The following ENDOV variants were observed in gnomAD, a reference collection of about 807,000 sequenced individuals.
The protein encoded by ENDOV is endonuclease V.
A neutral mutation model predicts 39.4 loss-of-function variants in ENDOV; 37 were observed. That is an observed-to-expected ratio of 0.94 (90% confidence interval 0.72 to 1.23). The LOEUF is 1.23. Among genes scored for constraint, ENDOV ranks in the 50% most tolerant of loss-of-function variants. The probability of loss-of-function intolerance (pLI) is 0.00; values close to 1 mark genes in which losing one functional copy is unlikely to be tolerated. For synonymous variants in ENDOV, 186 were observed against 163.4 expected (o/e 1.14, Z -1.05); for missense variants, 441 against 375.7 (o/e 1.17, Z -1.44).
intron 8 of ENDOV, among the ~76,000 whole-genome samples, chr17:80,429,242 G>C (rs1316764754): frequency 6.6e-6 from 1 of 152,232 alleles, no homozygotes; most frequent in South Asian, 2.1e-4. Flanking sequence ...GACAAGTACT[G>C]TGACCCCACT....
At chr17:80,425,770 G>C in intron 7 of ENDOV, 150 bp downstream of exon 7, 1 of 1,277,970 alleles carries the variant, frequency 7.8e-7, no homozygotes, top group South Asian at 1.4e-5. Context: ...CAGACATCTT[G>C]CTGGAGAGCT....
intron 5 of ENDOV, 95 bp downstream of exon 5, chr17:80,423,727 T>G: frequency 8.8e-7 from 1 of 1,133,788 alleles, no homozygotes; most frequent in South Asian, 1.5e-5. Context: ...AGCCCTTGCC[T>G]GCTGACGCTG....
intron 7 of ENDOV, among the ~76,000 whole-genome samples, chr17:80,426,867 A>G (rs983109784): frequency 1.7e-4 from 26 of 152,332 alleles, no homozygotes; most frequent in Admixed American, 1.6e-3. Flanking sequence ...CTGTGGACGC[A>G]GGTCTGCACA....
intron 2 of ENDOV, 122 bp downstream of exon 2, chr17:80,415,943 AGTCTGG>A: frequency 7.7e-7 from 1 of 1,296,470 alleles, no homozygotes; most frequent in South Asian, 1.4e-5. Flanking sequence ...TGTCATTAAT[AGTCTGG>A]GGAGTTGGCC....
At chr17:80,432,295 C>T (rs144245086) in intron 9 of ENDOV, among the ~76,000 whole-genome samples, 3 of 152,218 alleles carry the variant, frequency 2.0e-5, no homozygotes, top group African/African-American at 7.2e-5. Context: ...CAGCACCTGG[C>T]TGGGCCCAGG....
intron 4 of ENDOV, among the ~76,000 whole-genome samples, chr17:80,422,629 A>G (rs546550927): frequency 1.3e-5 from 2 of 152,222 alleles, no homozygotes; most frequent in Non-Finnish European, 2.9e-5. Flanking sequence ...CCCCTTGTCC[A>G]CAACTAGACA....
At chr17:80,430,461 T>G in intron 9 of ENDOV, 1 of 1,162,486 alleles carries the variant, frequency 8.6e-7, no homozygotes. Flanking sequence ...AAGCAGGTCC[T>G]CAGCCCCAGC....
intron 5 of ENDOV, chr17:80,423,887 C>T (rs1489993695): frequency 1.7e-5 from 9 of 514,750 alleles, no homozygotes; most frequent in Admixed American, 1.1e-4. Context: ...TCTGAGCCAC[C>T]GTGGCACACC....
intron 2 of ENDOV, chr17:80,420,225 T>G (rs896650293): frequency 1.3e-5 from 2 of 153,330 alleles, no homozygotes; most frequent in African/African-American, 4.8e-5. Flanking sequence ...CACATCATAG[T>G]CATCCCATAA....
intron 8 of ENDOV, 130 bp downstream of exon 8, chr17:80,428,790 G>A (rs1237414999): frequency 5.3e-5 from 46 of 875,662 alleles, no homozygotes; most frequent in Non-Finnish European, 7.4e-5. Flanking sequence ...GCCAGGGAAG[G>A]CAGGGGACAC....
At chr17:80,433,230 A>G (rs8077237) in intron 9 of ENDOV, 8,715 of 519,906 alleles carry the variant, frequency 0.017, 616 homozygotes, top group African/African-American at 0.15. Flanking sequence ...CTCAAAACGC[A>G]TCCCACAGGG....
At chr17:80,422,424 G>A (rs1251521396) in intron 4 of ENDOV, among the ~76,000 whole-genome samples, 179 bp downstream of exon 4, 5 of 151,200 alleles carry the variant, frequency 3.3e-5, no homozygotes, top group African/African-American at 1.2e-4. Flanking sequence ...CTCCCCCACC[G>A]CCGGTAAAGG....
At chr17:80,429,197 C>T (rs1440244494) in intron 8 of ENDOV, among the ~76,000 whole-genome samples, 4 of 152,234 alleles carry the variant, frequency 2.6e-5, no homozygotes. Context: ...AAAACCATTG[C>T]AGATGGTTTG....
In ENDOV at chr17:80,436,260, C is replaced by T. The variant is rs2083591242; in HGVS notation, c.*117C>T. 6.2e-6 allele frequency: 9 copies of T among 1,452,954 alleles called. No homozygotes were observed. The highest frequency in any genetic ancestry group is 4.1e-5 in the Admixed American group (2 of 48,210). The allele number at this position is 1,452,954 out of a possible 1,614,324, so 90.0% of individuals were successfully genotyped here. Reference sequence around the variant, plus strand: ...GTGGTGAGAGCACACATCCTCGTCTCGTTCCTGATCGAACGCGGTGGTGAG... The same window carrying T: ...GTGGTGAGAGCACACATCCTCGTCTTGTTCCTGATCGAACGCGGTGGTGAG... On this transcript the variant is annotated 3_prime_UTR_variant, in exon 10 of 10. Transcript: ENST00000518137.
chr17:80,415,758 C>G lies in ENDOV; in HGVS notation c.165C>G (p.Phe55Leu). The G allele has an allele frequency of 6.2e-7, 1 of 1,605,902 alleles. No individual in the cohort carries two copies. Among genetic ancestry groups the G allele is most frequent in the Non-Finnish European group, 8.5e-7 (1 of 1,176,450 alleles). ...LQRVGGVDVS[F>L]VKGDSVRACA... ...GGGTCGGGGGCGTTGACGTGTCCTT[C>G]GTGAAAGGGGACAGTGTCCGCGCTT... Residue 55 changes from phenylalanine (F) to leucine (L), a missense_variant, in exon 2 of 10, where the codon TTC becomes TTG. By Grantham distance (22) the Phe-to-Leu change is conservative. Coordinates refer to ENST00000518137, the MANE Select transcript of ENDOV (RefSeq NM_173627.5).
chr17:80,425,147 A>G, intron 6 of ENDOV, 47 bp downstream of exon 6: 1 of 1,532,094 alleles, frequency 6.5e-7, no homozygotes, highest in East Asian at 2.3e-5. Context: ...GGGGTAGGGG[A>G]TCCTTTGCAG....
chr17:80,427,876 G>A (rs1324343313), intron 7 of ENDOV: 9 of 1,239,656 alleles, frequency 7.3e-6, no homozygotes, highest in East Asian at 5.8e-5. Flanking sequence ...CCCGCCTACC[G>A]CTGCCCCACT....
chr17:80,420,509 T>A (rs1248582362), intron 2 of ENDOV: 1 of 152,222 alleles, frequency 6.6e-6, no homozygotes, highest in Admixed American at 6.5e-5. Context: ...CAACCCTCTG[T>A]GCTAATACAG....
At chr17:80,421,678 C>A in intron 2 of ENDOV, 150 bp from the exon 3 acceptor site, 1 of 1,090,376 alleles carries the variant, frequency 9.2e-7, no homozygotes, top group Non-Finnish European at 1.3e-6. Context: ...TTCTTCCAAA[C>A]CCATCATCTC....
Sources: allele counts gnomAD v4.1 joint callset (sites outside exome capture counted in the v4.1 genomes callset), GRCh38; gene constraint gnomAD v4.1.1; transcripts MANE v1.5; gene names NCBI Gene and HGNC (gene_info 2026-07-23, HGNC 2026-07-21).